Variants in MAGI1 observed in about 807,000 individuals in gnomAD.
MAGI1 encodes the protein membrane-associated guanylate kinase, WW and PDZ domain-containing protein 1.
A neutral mutation model predicts 139.9 loss-of-function variants in MAGI1; 58 were observed. The observed-to-expected ratio is 0.41, with a 90% CI of 0.34 to 0.52. The LOEUF (loss-of-function observed/expected upper bound fraction) is 0.52. MAGI1 is among the 20% of genes least tolerant of loss of function. The probability of loss-of-function intolerance (pLI) is 0.12; values close to 1 mark genes in which losing one functional copy is unlikely to be tolerated. For synonymous variants in MAGI1, 812 were observed against 737.9 expected, an observed-to-expected ratio of 1.10 and a Z score of -1.63; for missense variants, 1,874 against 1,901.6, an observed-to-expected ratio of 0.99 and a Z score of 0.27.
In MAGI1 at chr3:65,556,060, T is replaced by C. The variant is rs116610877; in HGVS notation, c.431-62429A>G. Among the ~76,000 whole-genome samples the C allele has an allele frequency of 3.7e-3, 567 of 152,230 alleles. 6 individuals are homozygous for C. The highest frequency in any genetic ancestry group is 0.013 in the African/African-American group (537 of 41,546). ...TGTGTGTTTCTGTGATAGGGAGAGA[T>C]TGTATGAGAGAGAGTTAGTGAATTA... is the stretch of plus-strand genomic sequence containing the variant. On this transcript the variant is annotated intron_variant, in intron 2 of 22. Coordinates refer to ENST00000402939, the MANE Select transcript of MAGI1 (RefSeq NM_001033057.2).
chr3:65,737,125 CT>C (rs2034823087), intron 1 of MAGI1, among the ~76,000 whole-genome samples: 1 of 152,164 alleles, frequency 6.6e-6, no homozygotes, highest in Non-Finnish European at 1.5e-5. Context: ...CTGCCTCAGC[CT>C]CCTGAGTAGC....
rs979654908 is a variant in MAGI1, at chr3:65,430,087, G to T, written c.1600C>A (p.Gln534Lys). The change falls in exon 12 of 23, where the codon CAA (glutamine) becomes AAA (lysine). Residue 534 changes from glutamine to lysine, a missense_variant. Around this residue, in one of 5 missense-constraint regions of MAGI1, gnomAD observed 86 missense variants for 130.0 expected, o/e 0.66. Coordinates refer to ENST00000402939, the MANE Select transcript of MAGI1 (RefSeq NM_001033057.2). ...DTCVLGHTHA[Q>K]VVKIFQSIPI... ...ATGGACTGGAAGATCTTCACAACTTGAGCATGTGTGTGTCCCAAAACACAG... is the reference window on the plus strand; with the variant it reads ...ATGGACTGGAAGATCTTCACAACTTTAGCATGTGTGTGTCCCAAAACACAG... 3.1e-6 allele frequency: 5 copies of T among 1,613,622 alleles called. No homozygotes were observed. The highest frequency in any genetic ancestry group is 4.2e-6 in the Non-Finnish European group (5 of 1,179,824).
At chr3:65,388,262 G>A (rs1943606405) in intron 14 of MAGI1, among the ~76,000 whole-genome samples, 1 of 152,182 alleles carries the variant, frequency 6.6e-6, no homozygotes, top group African/African-American at 2.4e-5. Context: ...GTGAAGGAAT[G>A]CGTTCACAGA....
intron 17 of MAGI1, among the ~76,000 whole-genome samples, chr3:65,376,844 G>T (rs1463828171): frequency 6.6e-6 from 1 of 152,172 alleles, no homozygotes; most frequent in Non-Finnish European, 1.5e-5. Flanking sequence ...ACCGAGAAAA[G>T]TGCATTTGGA....
chr3:65,543,480 A>C (rs1158831243), intron 2 of MAGI1, among the ~76,000 whole-genome samples: 1 of 152,234 alleles, frequency 6.6e-6, no homozygotes, highest in East Asian at 1.9e-4. Flanking sequence ...TATTCACAAT[A>C]GCAAAGACTT....
intron 1 of MAGI1, among the ~76,000 whole-genome samples, chr3:66,015,913 A>C (rs2067612819): frequency 6.6e-6 from 1 of 152,232 alleles, no homozygotes. Context: ...AGTGGTGACT[A>C]AATTGAGACT....
chr3:65,588,098 T>G (rs932071419), intron 2 of MAGI1, among the ~76,000 whole-genome samples: 8 of 152,138 alleles, frequency 5.3e-5, no homozygotes, highest in Non-Finnish European at 8.8e-5. Flanking sequence ...AAAGACTCGC[T>G]AAAAACCCAT....
chr3:65,494,850 A>ACTTT (rs1952312552), intron 2 of MAGI1, among the ~76,000 whole-genome samples: 1 of 152,214 alleles, frequency 6.6e-6, no homozygotes, highest in Non-Finnish European at 1.5e-5. Flanking sequence ...CTTAGTACAC[A>ACTTT]CTTTACTCAG....
At chr3:65,936,251 G>T (rs1360853525) in intron 1 of MAGI1, among the ~76,000 whole-genome samples, 1 of 152,166 alleles carries the variant, frequency 6.6e-6, no homozygotes, top group East Asian at 1.9e-4. Flanking sequence ...GGAATATGGT[G>T]GGAGGAAGGG....
intron 1 of MAGI1, among the ~76,000 whole-genome samples, chr3:65,949,231 G>A (rs2063681413): frequency 6.6e-6 from 1 of 152,178 alleles, no homozygotes; most frequent in African/African-American, 2.4e-5. Flanking sequence ...TGCAAGCTGT[G>A]TCCAACATTT....
intron 2 of MAGI1, among the ~76,000 whole-genome samples, chr3:65,573,814 G>A (rs539106388): frequency 3.9e-5 from 6 of 152,192 alleles, no homozygotes; most frequent in African/African-American, 1.4e-4. Context: ...TTTCTCAGAT[G>A]GCATGGTTAG....
intron 1 of MAGI1, among the ~76,000 whole-genome samples, chr3:65,899,387 T>C (rs1308902720): frequency 6.6e-6 from 1 of 152,196 alleles, no homozygotes; most frequent in Non-Finnish European, 1.5e-5. Context: ...ACTAATAACA[T>C]GTCCCATTAT....
intron 1 of MAGI1, among the ~76,000 whole-genome samples, chr3:65,986,121 G>A (rs2065866902): frequency 6.6e-6 from 1 of 152,156 alleles, no homozygotes; most frequent in Non-Finnish European, 1.5e-5. Context: ...AGACATAGCT[G>A]ATTGATCATG....
At chr3:65,935,478 T>C (rs2063005925) in intron 1 of MAGI1, among the ~76,000 whole-genome samples, 1 of 152,142 alleles carries the variant, frequency 6.6e-6, no homozygotes, top group Non-Finnish European at 1.5e-5. Context: ...TTTAATTAGC[T>C]GACTGTGGTG....
At chr3:66,016,237 G>A (rs182354432) in intron 1 of MAGI1, among the ~76,000 whole-genome samples, 3 of 152,272 alleles carry the variant, frequency 2.0e-5, no homozygotes, top group Non-Finnish European at 2.9e-5. Context: ...GTTCCATGCC[G>A]AGAGTTGACT....
intron 3 of MAGI1, among the ~76,000 whole-genome samples, chr3:65,480,924 T>C (rs528448187): frequency 6.6e-6 from 1 of 152,284 alleles, no homozygotes; most frequent in African/African-American, 2.4e-5. Flanking sequence ...AGTTTTAAAA[T>C]TTTTTAAAAT....
chr3:65,990,563 T>C lies in MAGI1; in HGVS notation c.313+47433A>G, dbSNP rs138600703. Among the ~76,000 whole-genome samples, 490 of 152,300 alleles carry C rather than the reference T, an allele frequency of 3.2e-3. 4 individuals carry two copies. Among genetic ancestry groups the C allele is most frequent in the Middle Eastern group, 0.01 (3 of 294 alleles). On this transcript the variant is annotated intron_variant, in intron 1 of 22. Coordinates refer to ENST00000402939, the MANE Select transcript of MAGI1 (RefSeq NM_001033057.2). ...TTCCTGCTATGGCATGATGTTCCTTTGAGCCGGTTTGCCTCTTAGCACAGA... is the reference window on the plus strand; with the variant it reads ...TTCCTGCTATGGCATGATGTTCCTTCGAGCCGGTTTGCCTCTTAGCACAGA...
intron 1 of MAGI1, among the ~76,000 whole-genome samples, chr3:65,946,317 T>C (rs1393423758): frequency 3.3e-5 from 5 of 152,250 alleles, no homozygotes; most frequent in African/African-American, 9.6e-5. Context: ...CGTCAGCGTC[T>C]TGTGGGCTAT....
chr3:65,630,913 G>A (rs559550900), intron 1 of MAGI1, among the ~76,000 whole-genome samples: 2 of 152,342 alleles, frequency 1.3e-5, no homozygotes, highest in East Asian at 3.9e-4. Flanking sequence ...GTGCCTTGCA[G>A]GCCATGATAA....
Sources: allele counts gnomAD v4.1 joint callset (sites outside exome capture counted in the v4.1 genomes callset), GRCh38; gene constraint gnomAD v4.1.1; regional missense constraint gnomAD v4.1.1; transcripts MANE v1.5; gene names NCBI Gene and HGNC (gene_info 2026-07-23, HGNC 2026-07-21).